INPP4B: variants seen among roughly 807,000 people sequenced by gnomAD.
INPP4B encodes the protein inositol polyphosphate-4-phosphatase type II B.
INPP4B carries 55 observed loss-of-function variants against 122.5 expected under a neutral mutation model. That is an observed-to-expected ratio of 0.45 (90% CI 0.36 to 0.56). INPP4B has a LOEUF of 0.56. Among genes scored for constraint, INPP4B ranks in the 20% least tolerant of loss-of-function variants. The probability of loss-of-function intolerance (pLI) is 0.00; values close to 1 mark genes in which losing one functional copy is unlikely to be tolerated. For missense variants in INPP4B, 1,000 were observed against 1,097.7 expected, an observed-to-expected ratio of 0.91 and a Z score of 1.26; for synonymous variants, 403 against 388.7, an observed-to-expected ratio of 1.04 and a Z score of -0.43.
At chr4:142,316,476 T>C (rs922972053) in intron 7 of INPP4B, among the ~76,000 whole-genome samples, 33 of 152,330 alleles carry the variant, frequency 2.2e-4, no homozygotes, top group African/African-American at 7.5e-4. Flanking sequence ...TCTGTATGTA[T>C]ATGTATAGTT....
At chr4:142,248,208 A>G (rs1377329809) in intron 11 of INPP4B, among the ~76,000 whole-genome samples, 1 of 152,072 alleles carries the variant, frequency 6.6e-6, no homozygotes, top group Non-Finnish European at 1.5e-5. Context: ...AATGGATTAC[A>G]TCTATATCCA....
rs1310684708 is a variant in INPP4B at position 142,260,580 on chromosome 4, A to C, written c.616-16T>G. 5.8e-6 allele frequency: 8 copies of C among 1,377,318 alleles called. No homozygotes were observed. In the South Asian group the frequency reaches 1.1e-4, roughly 18 times the overall value. 85.3% of individuals were successfully genotyped at this position (1,377,318 alleles called of 1,614,324 possible). On this transcript the variant is annotated splice_polypyrimidine_tract_variant and intron_variant, in intron 10 of 25. Coordinates refer to ENST00000262992, the MANE Select transcript of INPP4B (RefSeq NM_001101669.3). ...CCAGGGCACACTAGGAAAAAATGTA[A>C]AAAAAAAAAAAAAATTTTGAGAACA...
chr4:142,813,418 GTT>G (rs1271103412), intron 1 of INPP4B, among the ~76,000 whole-genome samples: 1 of 152,104 alleles, frequency 6.6e-6, no homozygotes, highest in East Asian at 1.9e-4. Context: ...AGAGCCCAGA[GTT>G]TACTTGTAGG....
chr4:142,472,219 G>T (rs528108209), intron 2 of INPP4B, among the ~76,000 whole-genome samples: 2 of 149,322 alleles, frequency 1.3e-5, no homozygotes, highest in Admixed American at 6.7e-5. Context: ...AAGAAAAAAA[G>T]AAAATCTGAA....
At chr4:142,034,644 C>T (rs1342888217) in intron 25 of INPP4B, among the ~76,000 whole-genome samples, 1 of 152,080 alleles carries the variant, frequency 6.6e-6, no homozygotes, top group Non-Finnish European at 1.5e-5. Context: ...CCTTCATACA[C>T]ATCAAGAGTC....
At chr4:142,161,030 A>G (rs13150427) in intron 16 of INPP4B, among the ~76,000 whole-genome samples, 14,455 of 152,088 alleles carry the variant, frequency 0.095, 895 homozygotes, top group South Asian at 0.21. Flanking sequence ...AAAGAAAGAC[A>G]TACATCCTTA....
chr4:142,295,797 C>T (rs1394844994), intron 9 of INPP4B, among the ~76,000 whole-genome samples: 1 of 150,098 alleles, frequency 6.7e-6, no homozygotes, highest in Non-Finnish European at 1.5e-5. Flanking sequence ...CACAGAATTC[C>T]TTTATTCAAA....
intron 25 of INPP4B, among the ~76,000 whole-genome samples, chr4:142,035,230 C>T (rs554668933): frequency 2.3e-4 from 35 of 152,250 alleles, no homozygotes; most frequent in South Asian, 6.2e-4. Flanking sequence ...CTTAGTTCTG[C>T]CTGCTTGAGA....
chr4:142,649,128 CCTGA>C (rs1178447974), intron 2 of INPP4B, among the ~76,000 whole-genome samples: 1 of 152,166 alleles, frequency 6.6e-6, no homozygotes, highest in Non-Finnish European at 1.5e-5. Flanking sequence ...AGCTGAGGGA[CCTGA>C]CTGTTCGAAG....
At chr4:142,043,129 C>T (rs1284818018) in intron 25 of INPP4B, among the ~76,000 whole-genome samples, 3 of 152,136 alleles carry the variant, frequency 2.0e-5, no homozygotes, top group Non-Finnish European at 4.4e-5. Context: ...CTCTTTCCTC[C>T]ATCTTTATTC....
chr4:142,343,739 T>C (rs1779413136), intron 7 of INPP4B, among the ~76,000 whole-genome samples: 1 of 152,108 alleles, frequency 6.6e-6, no homozygotes, highest in African/African-American at 2.4e-5. Context: ...CTATTAGTGA[T>C]AACTCAGCCA....
At chr4:142,505,278 A>G (rs535729783) in intron 2 of INPP4B, among the ~76,000 whole-genome samples, 3 of 151,926 alleles carry the variant, frequency 2.0e-5, no homozygotes, top group Non-Finnish European at 4.4e-5. Context: ...AGTATGCAAA[A>G]TTATGTGTGT....
chr4:142,185,885 T>TTAAA (rs1554000202), intron 15 of INPP4B, among the ~76,000 whole-genome samples: 1 of 129,840 alleles, frequency 7.7e-6, no homozygotes, highest in Non-Finnish European at 1.6e-5. Flanking sequence ...TCTCAAAACA[T>TTAAA]AAAAAAAAAA....
At chr4:142,258,334 A>G (rs1454581372) in intron 11 of INPP4B, among the ~76,000 whole-genome samples, 2 of 151,632 alleles carry the variant, frequency 1.3e-5, no homozygotes, top group African/African-American at 4.8e-5. Flanking sequence ...AATGGCAACA[A>G]AAGCCAAAAT....
chr4:142,690,116 A>G (rs1292499968), intron 2 of INPP4B, among the ~76,000 whole-genome samples: 1 of 152,180 alleles, frequency 6.6e-6, no homozygotes, highest in Non-Finnish European at 1.5e-5. Context: ...AATCAGCACC[A>G]TGACTTCAAG....
chr4:142,372,968 C>T (rs1561954908), intron 7 of INPP4B, among the ~76,000 whole-genome samples: 2 of 151,898 alleles, frequency 1.3e-5, no homozygotes, highest in South Asian at 4.1e-4. Flanking sequence ...CTACACAATA[C>T]ATACATACAT....
At chr4:142,320,431 CT>C (rs1309447782) in intron 7 of INPP4B, among the ~76,000 whole-genome samples, 1 of 152,174 alleles carries the variant, frequency 6.6e-6, no homozygotes, top group Non-Finnish European at 1.5e-5. Context: ...AAGAAATAAA[CT>C]TCCATCGTGC....
At chr4:142,489,845 C>T (rs1401930128) in intron 2 of INPP4B, among the ~76,000 whole-genome samples, 1 of 152,162 alleles carries the variant, frequency 6.6e-6, no homozygotes. Context: ...ATAGTTATGA[C>T]ATCTGATATA....
chr4:142,074,239 T>A (rs1238080476), intron 25 of INPP4B, among the ~76,000 whole-genome samples: 1 of 152,176 alleles, frequency 6.6e-6, no homozygotes, highest in Non-Finnish European at 1.5e-5. Flanking sequence ...TTTGCAATTA[T>A]GTGCAAAACT....
Sources: gnomAD v4.1 joint callset for allele counts (sites outside exome capture counted in the v4.1 genomes callset) on GRCh38, gnomAD v4.1.1 for gene constraint, MANE v1.5 for transcripts, NCBI Gene and HGNC (gene_info 2026-07-23, HGNC 2026-07-21) for gene names.